The following CCDC186 variants were observed in gnomAD, a reference collection of about 807,000 sequenced individuals.
The protein encoded by CCDC186 is coiled-coil domain containing 186, also known as coiled-coil domain-containing protein 186.
Under a neutral mutation model 113.7 loss-of-function variants are expected in CCDC186, and 49 were observed. That is an observed-to-expected ratio of 0.43 (90% CI 0.34 to 0.55). CCDC186 has a LOEUF of 0.55. Ranked by LOEUF, CCDC186 falls within the 20% of genes least tolerant of loss-of-function variation. CCDC186 has a pLI of 0.02. For missense variants in CCDC186, 890 were observed against 1,011.1 expected (o/e 0.88, Z 1.62); for synonymous variants, 355 against 345.8 (o/e 1.03, Z -0.30).
intron 6 of CCDC186, 71 bp downstream of exon 6, chr10:114,144,421 CAAAAA>C (rs752803345): frequency 6.8e-4 from 892 of 1,315,292 alleles, no homozygotes; most frequent in African/African-American, 1.8e-3. Context: ...GACTCCGTCT[CAAAAA>C]AAAAACAAAA....
In CCDC186 at chr10:114,131,953, T is replaced by C. The variant is rs1382490456; in HGVS notation, c.1887A>G (p.Gln629=). Residue 629 remains glutamine (Q), a synonymous_variant, in exon 11 of 16, where the codon CAA becomes CAG. Transcript: ENST00000369287. ...SESQLQSQCE[Q]MKQTNINLES... ...CCAAATTAATATTTGTCTGTTTCAT[T>C]TGTTCACACTGGCTTTGTAACTGAC... The C allele has an allele frequency of 6.2e-7, 1 of 1,608,706 alleles. No individual in the cohort carries two copies. Among genetic ancestry groups the C allele is most frequent in the Non-Finnish European group, 8.5e-7 (1 of 1,177,344 alleles).
chr10:114,144,625 A>G lies in CCDC186; in HGVS notation c.1102-9T>C, dbSNP rs750733309. ...CTAGTCGTTTCGCCTTCCTAAAATA[A>G]TATCACTAGGTCATATATTTTCATT... On this transcript the variant is annotated splice_polypyrimidine_tract_variant and intron_variant, in intron 5 of 15. Transcript: ENST00000369287. 2.8e-5 allele frequency: 45 copies of G among 1,599,430 alleles called. No homozygotes were observed. Among genetic ancestry groups the G allele is most frequent in the Non-Finnish European group, 3.6e-5 (42 of 1,170,520 alleles).
At chr10:114,131,503 A>G (rs550674466) in intron 11 of CCDC186, among the ~76,000 whole-genome samples, 167 bp from the exon 12 acceptor site, 3 of 152,120 alleles carry the variant, frequency 2.0e-5, no homozygotes, top group South Asian at 4.1e-4. Context: ...TCATATAGAA[A>G]AGCAGGGGGA....
chr10:114,152,117 A>G (rs1001119143), intron 3 of CCDC186, among the ~76,000 whole-genome samples: 3 of 152,082 alleles, frequency 2.0e-5, no homozygotes, highest in African/African-American at 7.2e-5. Flanking sequence ...GAGGAGAGGG[A>G]ATTGCCTGAG....
In CCDC186 at chr10:114,121,641, T is replaced by C. The variant is rs2030726838; in HGVS notation, c.*3502A>G. 1 of 152,134 alleles carries C rather than the reference T, an allele frequency of 6.6e-6. No homozygotes were observed. Among genetic ancestry groups the C allele is most frequent in the South Asian group, 2.1e-4 (1 of 4,824 alleles). 9.4% of individuals were successfully genotyped at this position (152,134 alleles called of 1,614,324 possible). Reference sequence around the variant, plus strand: ...TGCAGAACCACCAGGAAAACAGCAATTTGCTTTCAGCGTACCTTTGCAAGG... The same window carrying C: ...TGCAGAACCACCAGGAAAACAGCAACTTGCTTTCAGCGTACCTTTGCAAGG... On this transcript the variant is annotated 3_prime_UTR_variant, in exon 16 of 16. Transcript: ENST00000369287.
chr10:114,148,884 A>G (rs949571085), intron 4 of CCDC186, among the ~76,000 whole-genome samples: 2 of 152,256 alleles, frequency 1.3e-5, no homozygotes, highest in African/African-American at 4.8e-5. Flanking sequence ...CTGGAAATTA[A>G]AAAGCAGGTG....
In CCDC186 at chr10:114,120,866, T is replaced by C. The variant is rs955503494; in HGVS notation, c.*4277A>G. 1.3e-5 allele frequency: 2 copies of C among 152,336 alleles called. No individual in the cohort carries two copies. The highest frequency in any genetic ancestry group is 4.1e-4 in the South Asian group (2 of 4,826). The allele number at this position is 152,336 out of a possible 1,614,324, so 9.4% of individuals were successfully genotyped here. ...AAGATGCCATCAAACTACAAGTTGG[T>C]AAATAGGCATTACCTATTTAATAAG... On this transcript the variant is annotated 3_prime_UTR_variant, in exon 16 of 16. Transcript: ENST00000369287.
chr10:114,156,081 C>T (rs769532944), intron 3 of CCDC186, among the ~76,000 whole-genome samples: 18 of 152,284 alleles, frequency 1.2e-4, no homozygotes, highest in Admixed American at 4.6e-4. Flanking sequence ...GACCTGACTA[C>T]CGAAATATGG....
chr10:114,121,644 G>C lies in CCDC186; in HGVS notation c.*3499C>G, dbSNP rs570523621. On this transcript the variant is annotated 3_prime_UTR_variant, in exon 16 of 16. Coordinates refer to ENST00000369287, the MANE Select transcript of CCDC186 (RefSeq NM_018017.4). ...AGAACCACCAGGAAAACAGCAATTT[G>C]CTTTCAGCGTACCTTTGCAAGGATG... 6.6e-6 allele frequency: 1 copy of C among 152,222 alleles called. No individual in the cohort carries two copies. The highest frequency in any genetic ancestry group is 2.1e-4 in the South Asian group (1 of 4,810). The allele number at this position is 152,222 out of a possible 1,614,324, so 9.4% of individuals were successfully genotyped here.
In CCDC186 at chr10:114,151,176, G is replaced by A. The variant is rs192309876; in HGVS notation, c.804C>T (p.Ser268=). The A allele has an allele frequency of 6.2e-7, 1 of 1,604,756 alleles. No homozygotes were observed. The highest frequency in any genetic ancestry group is 8.5e-7 in the Non-Finnish European group (1 of 1,172,152). ...CGTCTTGAGCTATTAGTTGATCTCT[G>A]GAAGCTTTAACTTCTTTATTAAGTT... is the stretch of plus-strand genomic sequence containing the variant. ...IEELNKEVKA[S]RDQLIAQDVT... is the part of the protein sequence containing the mutation. Residue 268 remains serine (S), a synonymous_variant, in exon 4 of 16, where the codon TCC becomes TCT. Transcript: ENST00000369287.
chr10:114,135,180 T>C (rs1489344113), intron 9 of CCDC186, 125 bp from the exon 10 acceptor site: 1 of 962,922 alleles, frequency 1.0e-6, no homozygotes, highest in Admixed American at 4.0e-5. Flanking sequence ...GAAAATATAA[T>C]GCGAAGTTTA....
Position 114,135,045 on chromosome 10 carries a change from A to G in CCDC186, c.1523T>C (p.Leu508Pro). The G allele has an allele frequency of 6.2e-7, 1 of 1,606,722 alleles. No individual in the cohort carries two copies. ...LRTLRTKVKCLEDERLRTEDE... is the reference protein window; with the variant it reads ...LRTLRTKVKCPEDERLRTEDE... The stretch of plus-strand genomic sequence containing the variant: ...TTCTGTTCTTAATCGTTCATCTTCT[A>G]GACATTTCACCTATCAAATGATCAC... The change falls in exon 10 of 16, where the codon CTA (leucine) becomes CCA (proline). Residue 508 changes from leucine (L) to proline (P), a missense_variant. Coordinates refer to ENST00000369287, the MANE Select transcript of CCDC186 (RefSeq NM_018017.4).
chr10:114,157,649 G>C lies in CCDC186; in HGVS notation c.664C>G (p.Leu222Val). 6.3e-7 allele frequency: 1 copy of C among 1,596,416 alleles called. No homozygotes were observed. The highest frequency in any genetic ancestry group is 8.5e-7 in the Non-Finnish European group (1 of 1,173,430). Residue 222 changes from leucine (L) to valine (V), a missense_variant, in exon 3 of 16, where the codon CTC (leucine) becomes GTC (valine). Coordinates refer to ENST00000369287, the MANE Select transcript of CCDC186 (RefSeq NM_018017.4). The part of the protein sequence containing the change: ...LIKENKKHQE[L>V]FVDICSEKDN... Reference sequence around the variant, plus strand: ...TTTTCTGAACAAATGTCTACGAAGAGCTCCTGATGCTTCTTATTTTCTTTA... The same window carrying C: ...TTTTCTGAACAAATGTCTACGAAGACCTCCTGATGCTTCTTATTTTCTTTA...
chr10:114,163,380 T>C, intron 1 of CCDC186, 51 bp from the exon 2 acceptor site: 2 of 1,433,646 alleles, frequency 1.4e-6, no homozygotes, highest in South Asian at 1.4e-5. Flanking sequence ...CAAAACCCCA[T>C]ACAAACTTGC....
chr10:114,129,980 A>C lies in CCDC186; in HGVS notation c.2102-9T>G, dbSNP rs375901761. ...ATCTAATTTTCTTCGTGCTATAGGA[A>C]AAAGAAGATTATTCGTCACAATTAT... On this transcript the variant is annotated splice_polypyrimidine_tract_variant and intron_variant, in intron 12 of 15. Coordinates refer to ENST00000369287, the MANE Select transcript of CCDC186 (RefSeq NM_018017.4). 7 of 1,611,418 alleles carry C rather than the reference A, an allele frequency of 4.3e-6. No homozygotes were observed. The African/African-American group carries it at 8.0e-5, about 18-fold the overall frequency.
chr10:114,131,854 T>A, intron 11 of CCDC186, 75 bp downstream of exon 11: 3 of 1,303,146 alleles, frequency 2.3e-6, no homozygotes, highest in Non-Finnish European at 2.0e-6. Context: ...TCAACTACTA[T>A]TACTTTTATA....
chr10:114,127,410 T>C, intron 14 of CCDC186, 51 bp downstream of exon 14: 3 of 1,514,498 alleles, frequency 2.0e-6, no homozygotes, highest in Non-Finnish European at 2.7e-6. Flanking sequence ...AACTTTGCTA[T>C]ATGAGTAACG....
Position 114,154,083 on chromosome 10 carries a change from C to T in CCDC186, c.760-2863G>A, listed in dbSNP as rs112581337. Among the ~76,000 whole-genome samples, 221 of 151,496 alleles carry T rather than the reference C, an allele frequency of 1.5e-3. 2 individuals carry two copies. The highest frequency in any genetic ancestry group is 5.0e-3 in the African/African-American group (206 of 41,328). On this transcript the variant is annotated intron_variant, in intron 3 of 15. Coordinates refer to ENST00000369287, the MANE Select transcript of CCDC186 (RefSeq NM_018017.4). The stretch of plus-strand genomic sequence containing the variant: ...AAAATTAGCTGGATGTGGTGATGCA[C>T]GCCTGTAGTAGCAGCTACTCGGGAG...
intron 13 of CCDC186, among the ~76,000 whole-genome samples, chr10:114,129,617 A>G (rs1198631637): frequency 6.6e-6 from 1 of 152,082 alleles, no homozygotes; most frequent in African/African-American, 2.4e-5. Flanking sequence ...GCTCACTGCA[A>G]CTTCCACCTC....
Sources: allele counts gnomAD v4.1 joint callset (sites outside exome capture counted in the v4.1 genomes callset), GRCh38; gene constraint gnomAD v4.1.1; transcripts MANE v1.5; gene names NCBI Gene and HGNC (gene_info 2026-07-23, HGNC 2026-07-21).